The following CSMD1 variants were observed in gnomAD, a reference collection of about 807,000 sequenced individuals.
The protein encoded by CSMD1 is CUB and Sushi multiple domains 1.
CSMD1 carries 213 observed loss-of-function variants against 417.5 expected under a neutral mutation model. That is an observed-to-expected ratio of 0.51 (90% confidence interval 0.46 to 0.57). CSMD1 has a LOEUF of 0.57. Ranked by LOEUF, CSMD1 falls within the 20% of genes least tolerant of loss-of-function variation. CSMD1 has a pLI of 0.00. For synonymous variants in CSMD1, 2,862 were observed against 1,736.8 expected, an observed-to-expected ratio of 1.65 and a Z score of -16.11; for missense variants, 6,923 against 4,529.7, an observed-to-expected ratio of 1.53 and a Z score of -15.17.
intron 5 of CSMD1, among the ~76,000 whole-genome samples, chr8:3,907,386 T>A (rs767740172): frequency 6.6e-6 from 1 of 152,192 alleles, no homozygotes; most frequent in African/African-American, 2.4e-5. Flanking sequence ...ATTATCTAAA[T>A]GGGGTAATTT....
intron 3 of CSMD1, among the ~76,000 whole-genome samples, chr8:4,404,245 G>C (rs1490273636): frequency 6.6e-6 from 1 of 151,980 alleles, no homozygotes; most frequent in Non-Finnish European, 1.5e-5. Flanking sequence ...CTGTCACCTT[G>C]TGATAGGCTA....
intron 59 of CSMD1, among the ~76,000 whole-genome samples, chr8:2,964,519 G>C (rs1803784720): frequency 6.6e-6 from 1 of 151,994 alleles, no homozygotes; most frequent in African/African-American, 2.4e-5. Context: ...GTCCCATCTG[G>C]TAGGGACTTG....
chr8:4,387,111 G>A (rs1253274021), intron 3 of CSMD1, among the ~76,000 whole-genome samples: 1 of 152,148 alleles, frequency 6.6e-6, no homozygotes, highest in Non-Finnish European at 1.5e-5. Context: ...AGGATAAATG[G>A]AAAGTTTCTG....
rs144487969 is a variant in CSMD1, at chr8:4,032,029, G to C, written c.486C>G (p.Asn162Lys). The C allele has an allele frequency of 6.2e-7, 1 of 1,613,944 alleles. No individual in the cohort carries two copies. Among genetic ancestry groups the C allele is most frequent in the Non-Finnish European group, 8.5e-7 (1 of 1,179,848 alleles). The change falls in exon 4 of 70, where the codon AAC becomes AAG. Residue 162 changes from asparagine (N) to lysine (K), a missense_variant. By Grantham distance (94) the Asn-to-Lys change is moderately conservative. Transcript: ENST00000635120. ...LKGVLHGTRF[N>K]IGDKIRYSCL... ...AGCTGTACCGGATTTTGTCTCCTAT[G>C]TTGAATCTCGTTCCATGCAGAACTC...
chr8:4,946,287 C>G (rs1484391569), intron 1 of CSMD1, among the ~76,000 whole-genome samples: 2 of 152,206 alleles, frequency 1.3e-5, no homozygotes, highest in South Asian at 2.1e-4. Context: ...AAGCTTTTTC[C>G]CAAAACTAAC....
chr8:3,218,053 T>C (rs1319519755), intron 29 of CSMD1, among the ~76,000 whole-genome samples: 1 of 152,216 alleles, frequency 6.6e-6, no homozygotes, highest in Non-Finnish European at 1.5e-5. Flanking sequence ...ATGGACCCAA[T>C]AGCAAAATGT....
chr8:3,334,587 G>A (rs377451679), intron 23 of CSMD1, among the ~76,000 whole-genome samples: 16 of 152,066 alleles, frequency 1.1e-4, no homozygotes, highest in Admixed American at 9.2e-4. Context: ...TTTAATTTTC[G>A]CATCCACAGG....
chr8:4,631,744 T>A (rs1021150174), intron 2 of CSMD1, among the ~76,000 whole-genome samples: 2 of 152,254 alleles, frequency 1.3e-5, no homozygotes, highest in Non-Finnish European at 2.9e-5. Context: ...CTGATTTTAA[T>A]GGCCCTATCA....
At chr8:4,843,813 G>C (rs1222975123) in intron 1 of CSMD1, among the ~76,000 whole-genome samples, 1 of 152,192 alleles carries the variant, frequency 6.6e-6, no homozygotes, top group East Asian at 1.9e-4. Context: ...ACGTAAAATA[G>C]AATCAGTGGA....
chr8:4,339,415 C>T (rs924823744), intron 3 of CSMD1, among the ~76,000 whole-genome samples: 2 of 152,076 alleles, frequency 1.3e-5, no homozygotes, highest in Non-Finnish European at 2.9e-5. Flanking sequence ...TCCAGGCTCT[C>T]TTTCATGTAA....
chr8:3,477,949 AG>A (rs1817523765), intron 11 of CSMD1, among the ~76,000 whole-genome samples: 1 of 152,242 alleles, frequency 6.6e-6, no homozygotes, highest in Non-Finnish European at 1.5e-5. Context: ...CTGAAAAATA[AG>A]TCAAGGGAGT....
At chr8:4,788,141 T>G (rs1425914811) in intron 1 of CSMD1, 1 of 1,601,624 alleles carries the variant, frequency 6.2e-7, no homozygotes, top group Non-Finnish European at 8.5e-7. Flanking sequence ...CTACTTCTGA[T>G]CTTGGTCACT....
chr8:4,970,373 G>C lies in CSMD1; in HGVS notation c.85+23959C>G, dbSNP rs1275153037. Among the ~76,000 whole-genome samples, 5 of 152,140 alleles carry C rather than the reference G, an allele frequency of 3.3e-5. No homozygotes were observed. In the East Asian group the frequency reaches 5.8e-4, roughly 18 times the overall value. ...ACAAAAAGATTCAAAAATGGTATCA[G>C]CTTTTATGCTAATGTTATCATTATT... On this transcript the variant is annotated intron_variant, in intron 1 of 69. Coordinates refer to ENST00000635120, the MANE Select transcript of CSMD1 (RefSeq NM_033225.6).
intron 12 of CSMD1, among the ~76,000 whole-genome samples, chr8:3,417,745 C>G (rs149251408): frequency 6.6e-5 from 10 of 152,268 alleles, no homozygotes; most frequent in African/African-American, 2.4e-4. Flanking sequence ...GAGACTTTCA[C>G]TCAGAAATCC....
intron 3 of CSMD1, among the ~76,000 whole-genome samples, chr8:4,264,111 G>C (rs1041621477): frequency 3.3e-5 from 5 of 152,066 alleles, no homozygotes; most frequent in African/African-American, 1.2e-4. Flanking sequence ...AGAATAAATG[G>C]AGTGACATTT....
chr8:3,676,712 T>G (rs148388575), intron 7 of CSMD1, among the ~76,000 whole-genome samples: 201 of 152,186 alleles, frequency 1.3e-3, no homozygotes, highest in African/African-American at 3.9e-3. Flanking sequence ...TCTATCAAAC[T>G]CAGTGTGATC....
chr8:3,151,538 C>T (rs752005500), intron 39 of CSMD1, 25 bp from the exon 40 acceptor site: 6 of 1,428,588 alleles, frequency 4.2e-6, no homozygotes, highest in Non-Finnish European at 3.9e-6. Context: ...AGATGTCAGT[C>T]CTGCAGGTCC....
At chr8:4,677,697 C>A (rs190667086) in intron 1 of CSMD1, among the ~76,000 whole-genome samples, 1 of 151,962 alleles carries the variant, frequency 6.6e-6, no homozygotes, top group Non-Finnish European at 1.5e-5. Flanking sequence ...TTTGACTCAC[C>A]GTTAGATGCA....
At chr8:4,321,822 G>A (rs886882504) in intron 3 of CSMD1, among the ~76,000 whole-genome samples, 4 of 151,764 alleles carry the variant, frequency 2.6e-5, no homozygotes, top group Admixed American at 2.6e-4. Context: ...ATCTTTTTTG[G>A]TAGTGTAGTT....
Sources: gnomAD v4.1 joint callset for allele counts (sites outside exome capture counted in the v4.1 genomes callset) on GRCh38, gnomAD v4.1.1 for gene constraint, MANE v1.5 for transcripts, NCBI Gene and HGNC (gene_info 2026-07-23, HGNC 2026-07-21) for gene names.